Variants in IMMP1L observed in about 807,000 individuals in gnomAD.
IMMP1L encodes mitochondrial inner membrane protease subunit 1.
IMMP1L carries 24 observed loss-of-function variants against 21.8 expected under a neutral mutation model. The observed-to-expected ratio is 1.10, with a 90% CI of 0.80 to 1.55. The LOEUF is 1.55. Among genes scored for constraint, IMMP1L ranks in the 40% most tolerant of loss-of-function variants. The pLI, the probability that IMMP1L is intolerant of heterozygous loss-of-function variation, is 0.00. For synonymous variants in IMMP1L, 46 were observed against 62.8 expected (o/e 0.73, Z 1.26); for missense variants, 195 against 200.7 (o/e 0.97, Z 0.17).
At position 31,463,184 on chromosome 11, in the gene IMMP1L, A is replaced by C. The variant is rs1591983877; in HGVS notation, c.93T>G (p.Gly31=). ...CIAHCAFEYV[G]GVVMCSGPSM... ...CATAAAAACTTACCATGACAACACC[A>C]CCAACGTATTCAAAAGCACAATGAG... is the stretch of plus-strand genomic sequence containing the variant. Residue 31 remains glycine, a synonymous_variant, in exon 2 of 6, where the codon GGT becomes GGG. Coordinates refer to ENST00000532287, the MANE Select transcript of IMMP1L (RefSeq NM_001304274.2). 6.2e-7 allele frequency: 1 copy of C among 1,606,010 alleles called. No individual in the cohort carries two copies. Among genetic ancestry groups the C allele is most frequent in the Non-Finnish European group, 8.5e-7 (1 of 1,176,810 alleles).
chr11:31,495,051 G>C (rs1488132007), intron 1 of IMMP1L, among the ~76,000 whole-genome samples: 1 of 152,144 alleles, frequency 6.6e-6, no homozygotes, highest in African/African-American at 2.4e-5. Flanking sequence ...AAGTTCCACG[G>C]ATCTCCAGGG....
At chr11:31,435,459 C>A (rs1422696489) in intron 4 of IMMP1L, among the ~76,000 whole-genome samples, 8 of 152,184 alleles carry the variant, frequency 5.3e-5, no homozygotes, top group African/African-American at 1.9e-4. Flanking sequence ...CATGATTTGA[C>A]TTTTATTGCA....
At chr11:31,494,191 C>CA (rs1955351640) in intron 1 of IMMP1L, among the ~76,000 whole-genome samples, 1 of 152,266 alleles carries the variant, frequency 6.6e-6, no homozygotes, top group Non-Finnish European at 1.5e-5. Flanking sequence ...CTGCAGCAGA[C>CA]TTCTGCCTGG....
At chr11:31,485,851 G>A (rs1216198305) in intron 1 of IMMP1L, among the ~76,000 whole-genome samples, 1 of 151,820 alleles carries the variant, frequency 6.6e-6, no homozygotes, top group Non-Finnish European at 1.5e-5. Context: ...TAAAATGACT[G>A]ATGTTCACAG....
intron 1 of IMMP1L, among the ~76,000 whole-genome samples, chr11:31,485,897 G>A (rs989726837): frequency 6.6e-6 from 1 of 151,750 alleles, no homozygotes; most frequent in Non-Finnish European, 1.5e-5. Flanking sequence ...AACTTAAAAT[G>A]TATTCTGTTT....
chr11:31,485,096 T>C (rs949146446), intron 1 of IMMP1L, among the ~76,000 whole-genome samples: 43 of 151,884 alleles, frequency 2.8e-4, no homozygotes, highest in Non-Finnish European at 4.3e-4. Context: ...CGAAGTCAAA[T>C]GCATTTCACT....
At chr11:31,496,445 T>C (rs1955438609) in intron 1 of IMMP1L, among the ~76,000 whole-genome samples, 1 of 152,140 alleles carries the variant, frequency 6.6e-6, no homozygotes, top group Non-Finnish European at 1.5e-5. Flanking sequence ...CATAGAATTT[T>C]CATATAATCC....
intron 1 of IMMP1L, among the ~76,000 whole-genome samples, chr11:31,465,679 A>G (rs561307003): frequency 1.3e-5 from 2 of 152,138 alleles, no homozygotes; most frequent in Non-Finnish European, 2.9e-5. Flanking sequence ...CGGTACCAGG[A>G]ACATACACTG....
intron 3 of IMMP1L, among the ~76,000 whole-genome samples, chr11:31,458,448 AT>A (rs1266275545): frequency 6.6e-6 from 1 of 152,168 alleles, no homozygotes; most frequent in Non-Finnish European, 1.5e-5. Flanking sequence ...AGAATAAGCA[AT>A]AGTAAAAATC....
At chr11:31,456,891 A>AG (rs1187131612) in intron 3 of IMMP1L, among the ~76,000 whole-genome samples, 1 of 145,192 alleles carries the variant, frequency 6.9e-6, no homozygotes, top group East Asian at 2.0e-4. Flanking sequence ...AAAAAAAAAA[A>AG]AAAAAAAAAA....
intron 4 of IMMP1L, among the ~76,000 whole-genome samples, chr11:31,454,449 CAAAA>C (rs71463320): frequency 9.9e-5 from 3 of 30,402 alleles, no homozygotes; most frequent in Admixed American, 4.4e-4. Flanking sequence ...AAGACCATGT[CAAAA>C]AAAAAAAAAA....
At chr11:31,499,281 C>A (rs983149574) in intron 1 of IMMP1L, among the ~76,000 whole-genome samples, 6 of 152,052 alleles carry the variant, frequency 3.9e-5, no homozygotes, top group African/African-American at 7.2e-5. Context: ...AGGAAAATGG[C>A]GTGAACCCGG....
In IMMP1L at chr11:31,496,777, A is replaced by G. The variant is rs1361707296; in HGVS notation, c.-30+12742T>C. On this transcript the variant is annotated intron_variant, in intron 1 of 5. Coordinates refer to ENST00000532287, the MANE Select transcript of IMMP1L (RefSeq NM_001304274.2). ...TACATATGTAATCTGATATAGGATAATCATATATTATAATAGATAATCCTA... is the reference window on the plus strand; with the variant it reads ...TACATATGTAATCTGATATAGGATAGTCATATATTATAATAGATAATCCTA... Among the ~76,000 whole-genome samples, 4 of 148,372 alleles carry G rather than the reference A, an allele frequency of 2.7e-5. No individual in the cohort carries two copies. In the East Asian group the frequency reaches 7.8e-4, roughly 29 times the overall value.
At chr11:31,489,188 C>T (rs1266301199) in intron 1 of IMMP1L, among the ~76,000 whole-genome samples, 2 of 152,106 alleles carry the variant, frequency 1.3e-5, no homozygotes, top group African/African-American at 2.4e-5. Flanking sequence ...TGAGTCACCG[C>T]ACCCGGCCAA....
At position 31,442,314 on chromosome 11, in the gene IMMP1L, G is replaced by A. The variant is rs568796461; in HGVS notation, c.322-8744C>T. Among the ~76,000 whole-genome samples the A allele has an allele frequency of 1.0e-3, 158 of 152,262 alleles. 2 individuals are homozygous for A. The highest frequency in any genetic ancestry group is 3.4e-3 in the African/African-American group (143 of 41,560). ...CAAACAACAAATGTAATTGCCTCAT[G>A]GCCTGCGGGTGTCCATTTAACAAAA... On this transcript the variant is annotated intron_variant, in intron 4 of 5. Transcript: ENST00000532287.
chr11:31,453,232 G>A, intron 4 of IMMP1L: 1 of 558,840 alleles, frequency 1.8e-6, no homozygotes, highest in South Asian at 2.0e-5. Context: ...CTTAACCAAT[G>A]ATTTGTTTAT....
In IMMP1L at chr11:31,482,425, A is replaced by G. The variant is rs528432698; in HGVS notation, c.-29-19120T>C. Among the ~76,000 whole-genome samples, 3 of 152,200 alleles carry G rather than the reference A, an allele frequency of 2.0e-5. No individual in the cohort carries two copies. The South Asian group carries it at 6.2e-4, about 32-fold the overall frequency. On this transcript the variant is annotated intron_variant, in intron 1 of 5. Coordinates refer to ENST00000532287, the MANE Select transcript of IMMP1L (RefSeq NM_001304274.2). ...TTAAGAGAGTAAAAAGACAAACCTC[A>G]TAGAAGAAGAAATAGTTGCAATACC...
At chr11:31,457,102 G>A (rs564232061) in intron 3 of IMMP1L, among the ~76,000 whole-genome samples, 1 of 151,926 alleles carries the variant, frequency 6.6e-6, no homozygotes, top group East Asian at 1.9e-4. Flanking sequence ...TCAAATAATT[G>A]AGGAATGATA....
intron 4 of IMMP1L, among the ~76,000 whole-genome samples, chr11:31,453,248 T>C (rs1273408775): frequency 6.6e-6 from 1 of 152,238 alleles, no homozygotes; most frequent in Non-Finnish European, 1.5e-5. Context: ...TTTATGTTCT[T>C]TTCTGCCAAC....
Sources: allele counts gnomAD v4.1 joint callset (sites outside exome capture counted in the v4.1 genomes callset), GRCh38; gene constraint gnomAD v4.1.1; transcripts MANE v1.5; gene names NCBI Gene and HGNC (gene_info 2026-07-23, HGNC 2026-07-21).